KCNAB1: variants seen among roughly 807,000 people sequenced by gnomAD.
The protein encoded by KCNAB1 is voltage-gated potassium channel subunit beta-1.
Under a neutral mutation model 64.6 loss-of-function variants are expected in KCNAB1, and 35 were observed. The observed-to-expected ratio is 0.54, with a 90% CI of 0.41 to 0.72. The LOEUF (loss-of-function observed/expected upper bound fraction) is 0.72, where lower values mean the gene tolerates loss of function less well. Ranked by LOEUF, KCNAB1 falls within the 30% of genes least tolerant of loss-of-function variation. KCNAB1 has a pLI of 0.00. For synonymous variants in KCNAB1, 177 were observed against 183.8 expected (o/e 0.96, Z 0.30); for missense variants, 401 against 512.9 (o/e 0.78, Z 2.11).
At chr3:156,249,010 C>T (rs566262261) in intron 1 of KCNAB1, among the ~76,000 whole-genome samples, 106 of 147,842 alleles carry the variant, frequency 7.2e-4, no homozygotes, top group Middle Eastern at 7.0e-3. Flanking sequence ...TTGGAGATTT[C>T]GATAGAAATC....
intron 1 of KCNAB1, among the ~76,000 whole-genome samples, chr3:156,200,357 G>A (rs1714245966): frequency 6.6e-6 from 1 of 152,198 alleles, no homozygotes; most frequent in African/African-American, 2.4e-5. Flanking sequence ...CGCTGTGCTG[G>A]GAGATCCACT....
At position 156,176,673 on chromosome 3, in the gene KCNAB1, A is replaced by G. The variant is rs1482319085; in HGVS notation, c.275+55787A>G. 5.7e-6 allele frequency: 6 copies of G among 1,045,338 alleles called. No homozygotes were observed. The African/African-American group carries it at 9.3e-5, about 16-fold the overall frequency. 64.8% of individuals were successfully genotyped at this position (1,045,338 alleles called of 1,614,324 possible). Reference sequence around the variant, plus strand: ...TCAAATCCTGCAGATGCTAAGGTGGATCGGTTGGGGGTGGAACTTGCAGCA... The same window carrying G: ...TCAAATCCTGCAGATGCTAAGGTGGGTCGGTTGGGGGTGGAACTTGCAGCA... On this transcript the variant is annotated intron_variant, in intron 1 of 13. Coordinates refer to ENST00000490337, the MANE Select transcript of KCNAB1 (RefSeq NM_172160.3).
intron 1 of KCNAB1, among the ~76,000 whole-genome samples, chr3:156,224,891 A>T (rs1576623038): frequency 6.6e-6 from 1 of 152,240 alleles, no homozygotes; most frequent in East Asian, 1.9e-4. Flanking sequence ...ATCTCTGAAC[A>T]TAACAATAAC....
At chr3:156,347,554 A>G (rs1724565542) in intron 1 of KCNAB1, among the ~76,000 whole-genome samples, 1 of 151,894 alleles carries the variant, frequency 6.6e-6, no homozygotes, top group African/African-American at 2.4e-5. Flanking sequence ...TCCACCAGTT[A>G]GCACATTTTA....
chr3:156,290,846 A>G, intron 1 of KCNAB1: 1 of 487,644 alleles, frequency 2.1e-6, no homozygotes, highest in Non-Finnish European at 2.7e-6. Context: ...TGATTCCAAA[A>G]AGTCTGCACT....
intron 8 of KCNAB1, among the ~76,000 whole-genome samples, chr3:156,499,433 G>A (rs1045567486): frequency 2.6e-5 from 4 of 152,146 alleles, no homozygotes; most frequent in Non-Finnish European, 5.9e-5. Context: ...TGAACTTGAT[G>A]GGGCTTAAGT....
chr3:156,312,731 A>AAAAAAAAAAAAAAAAAC lies in KCNAB1; in HGVS notation c.276-108885_276-108884insAAAAAAAAAAAAAAAAC, dbSNP rs1722007557. On this transcript the variant is annotated intron_variant, in intron 1 of 13. Transcript: ENST00000490337. Reference sequence around the variant, plus strand: ...AAAAAAAAAAAAAAAAAAAAAAAAAACTCATAATAATGAAATTAGTTCTAT... The same window carrying AAAAAAAAAAAAAAAAAC: ...AAAAAAAAAAAAAAAAAAAAAAAAAAAAAAAAAAAAAAAAAACCTCATAATAATGAAATTAGTTCTAT... 2.1e-4 allele frequency among the ~76,000 whole-genome samples: 30 copies of AAAAAAAAAAAAAAAAAC among 144,602 alleles called. 1 individual carries two copies. The highest frequency in any genetic ancestry group is 7.5e-4 in the African/African-American group (28 of 37,156). The allele number at this position is 144,602 out of a possible 152,430, so 94.9% of individuals were successfully genotyped here.
intron 1 of KCNAB1, among the ~76,000 whole-genome samples, chr3:156,274,603 G>C (rs75914821): frequency 1.3e-5 from 2 of 152,182 alleles, no homozygotes; most frequent in Non-Finnish European, 2.9e-5. Context: ...CTGTGATGTA[G>C]TCAAAAGTGT....
intron 13 of KCNAB1, among the ~76,000 whole-genome samples, chr3:156,533,701 T>C (rs1445794579): frequency 6.6e-6 from 1 of 151,766 alleles, no homozygotes; most frequent in African/African-American, 2.4e-5. Context: ...GTAGTGGCCA[T>C]GGAGGGGGAG....
chr3:156,390,405 A>C (rs781338643), intron 1 of KCNAB1, among the ~76,000 whole-genome samples: 1 of 152,154 alleles, frequency 6.6e-6, no homozygotes, highest in South Asian at 2.1e-4. Context: ...TCAGATCAAC[A>C]TGTCTGTAAA....
At chr3:156,418,240 A>T (rs1715224212) in intron 1 of KCNAB1, among the ~76,000 whole-genome samples, 1 of 152,254 alleles carries the variant, frequency 6.6e-6, no homozygotes, top group South Asian at 2.1e-4. Context: ...AACACTGAGG[A>T]ATTAAGAAAT....
In KCNAB1 at chr3:156,163,532, A is replaced by T. The variant is rs147558584; in HGVS notation, c.275+42646A>T. On this transcript the variant is annotated intron_variant, in intron 1 of 13. Transcript: ENST00000490337. Reference sequence around the variant, plus strand: ...GTTGAGTTAGTAACTTGTAAATAAAACTCAGTTATGGAAAAGATGTCAGGG... The same window carrying T: ...GTTGAGTTAGTAACTTGTAAATAAATCTCAGTTATGGAAAAGATGTCAGGG... Among the ~76,000 whole-genome samples, 558 of 152,266 alleles carry T rather than the reference A, an allele frequency of 3.7e-3. 3 individuals carry two copies. The highest frequency in any genetic ancestry group is 0.013 in the African/African-American group (527 of 41,530).
chr3:156,119,624 T>G (rs1230475486), upstream of KCNAB1, among the ~76,000 whole-genome samples: 2 of 152,074 alleles, frequency 1.3e-5, no homozygotes, highest in Non-Finnish European at 2.9e-5. Flanking sequence ...GAGACTTAAG[T>G]TGATTGAGGG....
chr3:156,132,941 C>T (rs1030799827), intron 1 of KCNAB1, among the ~76,000 whole-genome samples: 4 of 152,092 alleles, frequency 2.6e-5, no homozygotes, highest in African/African-American at 7.2e-5. Flanking sequence ...CATTTTTGTG[C>T]AGAATTAATG....
chr3:156,185,949 A>G (rs1577686315), intron 1 of KCNAB1, among the ~76,000 whole-genome samples: 1 of 152,286 alleles, frequency 6.6e-6, no homozygotes, highest in Admixed American at 6.5e-5. Context: ...CAACTTCTGT[A>G]CTGATATCTT....
chr3:156,370,418 T>G (rs1726226677), intron 1 of KCNAB1, among the ~76,000 whole-genome samples: 2 of 152,320 alleles, frequency 1.3e-5, no homozygotes. Context: ...TGCCTGAAAT[T>G]TTTTTAGCAC....
chr3:156,304,700 A>G (rs530291620), intron 1 of KCNAB1, among the ~76,000 whole-genome samples: 70 of 152,356 alleles, frequency 4.6e-4, no homozygotes, highest in African/African-American at 1.6e-3. Flanking sequence ...TACAAAGAAC[A>G]TGCACTAAAG....
At chr3:156,158,767 G>A (rs1351142732) in intron 1 of KCNAB1, among the ~76,000 whole-genome samples, 7 of 152,194 alleles carry the variant, frequency 4.6e-5, no homozygotes, top group East Asian at 1.9e-4. Context: ...CCTTCCTCTC[G>A]TCTGCAATGT....
chr3:156,323,730 G>A (rs1722811248), intron 1 of KCNAB1, among the ~76,000 whole-genome samples: 1 of 152,152 alleles, frequency 6.6e-6, no homozygotes, highest in Non-Finnish European at 1.5e-5. Context: ...TTGGGTTCCT[G>A]TTATTATAGT....
Sources: allele counts gnomAD v4.1 joint callset (sites outside exome capture counted in the v4.1 genomes callset), GRCh38; gene constraint gnomAD v4.1.1; transcripts MANE v1.5; gene names NCBI Gene and HGNC (gene_info 2026-07-23, HGNC 2026-07-21).